The following RASAL2 variants were observed in gnomAD, a reference collection of about 807,000 sequenced individuals.
The protein encoded by RASAL2 is ras GTPase-activating protein nGAP.
Under a neutral mutation model 128.9 loss-of-function variants are expected in RASAL2, and 58 were observed. The ratio of observed to expected loss-of-function variants is 0.45; its 90% CI spans 0.36 to 0.56. The LOEUF (loss-of-function observed/expected upper bound fraction) is 0.56, where lower values mean the gene tolerates loss of function less well. RASAL2 is among the 20% of genes least tolerant of loss of function. The pLI, the probability that RASAL2 is intolerant of heterozygous loss-of-function variation, is 0.00. For missense variants in RASAL2, 1,360 were observed against 1,601.6 expected (o/e 0.85, Z 2.57); for synonymous variants, 561 against 580.8 (o/e 0.97, Z 0.49).
intron 5 of RASAL2, among the ~76,000 whole-genome samples, chr1:178,427,536 G>A (rs1181705576): frequency 1.3e-5 from 2 of 152,066 alleles, no homozygotes; most frequent in Non-Finnish European, 2.9e-5. Context: ...GTGGAATTAT[G>A]GAACAATATT....
At chr1:178,168,531 G>C (rs549752045) in intron 1 of RASAL2, among the ~76,000 whole-genome samples, 11 of 152,100 alleles carry the variant, frequency 7.2e-5, no homozygotes, top group Admixed American at 3.3e-4. Flanking sequence ...CTGCTGTTTT[G>C]AGTATGATAT....
At position 178,458,054 on chromosome 1, in the gene RASAL2, C is replaced by T. The variant is rs750183203; in HGVS notation, c.2762C>T (p.Ser921Leu). Residue 921 changes from serine to leucine, a missense_variant, in exon 14 of 18, where the codon TCG becomes TTG. Physicochemically the swap from Ser to Leu is moderately radical, Grantham distance 145. Coordinates refer to ENST00000367649, the MANE Select transcript of RASAL2 (RefSeq NM_170692.4). ...CAGCCAGGTGGCCTTCAGCCCTTGT[C>T]GTTCCAGAACCCTGTCTATCACCTC... ...LNQPGGLQPL[S>L]FQNPVYHLNN... The T allele has an allele frequency of 8.1e-6, 13 of 1,614,058 alleles. No individual in the cohort carries two copies. The highest frequency in any genetic ancestry group is 6.6e-5 in the South Asian group (6 of 91,084).
chr1:178,255,874 C>T (rs1665320495), intron 1 of RASAL2, among the ~76,000 whole-genome samples: 1 of 152,076 alleles, frequency 6.6e-6, no homozygotes. Flanking sequence ...GAAAGGATTA[C>T]ACAATCCAAT....
intron 1 of RASAL2, among the ~76,000 whole-genome samples, chr1:178,147,498 AAAAGT>A (rs1293098173): frequency 3.3e-5 from 5 of 149,668 alleles, no homozygotes; most frequent in African/African-American, 7.4e-5. Context: ...AAAAAAAAAG[AAAAGT>A]AAAGGAAAGC....
chr1:178,138,202 G>C (rs1036963959), intron 1 of RASAL2, among the ~76,000 whole-genome samples: 1 of 152,162 alleles, frequency 6.6e-6, no homozygotes. Context: ...ACTGCACAGG[G>C]AGAATTGTTT....
intron 1 of RASAL2, among the ~76,000 whole-genome samples, chr1:178,184,756 C>T (rs1256987700): frequency 2.0e-5 from 3 of 152,074 alleles, no homozygotes; most frequent in Non-Finnish European, 4.4e-5. Flanking sequence ...ACAGTGTGAT[C>T]CTTCAACTTT....
chr1:178,237,960 A>G (rs188116167), intron 1 of RASAL2, among the ~76,000 whole-genome samples: 64 of 152,314 alleles, frequency 4.2e-4, no homozygotes, highest in African/African-American at 1.4e-3. Flanking sequence ...ACCTCATATA[A>G]GTGGAATCAT....
chr1:178,460,302 TC>T (rs1015285844), intron 14 of RASAL2, among the ~76,000 whole-genome samples: 5 of 150,250 alleles, frequency 3.3e-5, no homozygotes, highest in African/African-American at 1.2e-4. Context: ...AAATAAAGAT[TC>T]TTTTTTTTTT....
chr1:178,274,994 T>C (rs1666428850), intron 1 of RASAL2, among the ~76,000 whole-genome samples: 1 of 152,220 alleles, frequency 6.6e-6, no homozygotes, highest in Non-Finnish European at 1.5e-5. Flanking sequence ...TTATTTTGAA[T>C]ATTTTATATT....
chr1:178,295,229 C>T (rs1014140893), intron 2 of RASAL2, among the ~76,000 whole-genome samples: 7 of 147,566 alleles, frequency 4.7e-5, no homozygotes, highest in African/African-American at 1.8e-4. Flanking sequence ...TAAGCGTTGG[C>T]ATTTTTTTTC....
At chr1:178,289,915 A>G (rs1236802376) in intron 2 of RASAL2, among the ~76,000 whole-genome samples, 1 of 152,052 alleles carries the variant, frequency 6.6e-6, no homozygotes, top group Non-Finnish European at 1.5e-5. Context: ...CTTCCCTCTT[A>G]TATTTACATG....
chr1:178,165,318 A>G (rs1661483139), intron 1 of RASAL2, among the ~76,000 whole-genome samples: 1 of 152,170 alleles, frequency 6.6e-6, no homozygotes, highest in African/African-American at 2.4e-5. Flanking sequence ...GCAAGGATTC[A>G]GGAAAAAAGT....
intron 1 of RASAL2, among the ~76,000 whole-genome samples, chr1:178,193,931 A>G (rs773334715): frequency 4.6e-5 from 7 of 152,322 alleles, no homozygotes; most frequent in Non-Finnish European, 1.0e-4. Context: ...TGGTTAAGAC[A>G]TATCTTCACC....
intron 4 of RASAL2, among the ~76,000 whole-genome samples, chr1:178,393,645 G>T (rs1040134479): frequency 1.8e-4 from 28 of 152,202 alleles, no homozygotes; most frequent in Non-Finnish European, 3.7e-4. Context: ...ATCTATAGGA[G>T]AGTTTCTTCC....
chr1:178,098,001 A>G (rs1439589923), intron 1 of RASAL2, among the ~76,000 whole-genome samples: 1 of 152,180 alleles, frequency 6.6e-6, no homozygotes, highest in Non-Finnish European at 1.5e-5. Context: ...CATTTTTGAG[A>G]TGTGGCTGAG....
rs1676484800 is a variant in RASAL2, at chr1:178,439,564, T to C, written c.817T>C (p.Phe273Leu). 1 of 1,609,406 alleles carries C rather than the reference T, an allele frequency of 6.2e-7. No homozygotes were observed. The highest frequency in any genetic ancestry group is 1.3e-5 in the African/African-American group (1 of 74,658). The stretch of plus-strand genomic sequence containing the variant: ...TCATAGTAGCATCCTTGGACAAGAC[T>C]TCTGCTTTGAGGTAAAAATAAAGTG... ...PLHSSILGQD[F>L]CFEVTYLSGS... is the part of the protein sequence containing the mutation. Residue 273 changes from phenylalanine to leucine, a missense_variant, in exon 6 of 18, where the codon TTC becomes CTC. By Grantham distance (22) the Phe-to-Leu change is conservative. This residue lies in a region of RASAL2 where 617 missense variants were observed against 714.2 expected (regional missense o/e 0.86). Transcript: ENST00000367649.
At chr1:178,175,849 T>C (rs113898405) in intron 1 of RASAL2, among the ~76,000 whole-genome samples, 3,181 of 152,276 alleles carry the variant, frequency 0.021, 99 homozygotes, top group African/African-American at 0.069. Flanking sequence ...TTCTCCAGTT[T>C]CATCCAAGTT....
At chr1:178,292,035 C>CAAAAAAAAAAA (rs34317624) in intron 2 of RASAL2, among the ~76,000 whole-genome samples, 1 of 59,108 alleles carries the variant, frequency 1.7e-5, no homozygotes, top group African/African-American at 5.3e-5. Flanking sequence ...GACTTTGTCT[C>CAAAAAAAAAAA]AAAAAAAAAA....
At chr1:178,433,951 C>T (rs1176648382) in intron 5 of RASAL2, among the ~76,000 whole-genome samples, 1 of 151,858 alleles carries the variant, frequency 6.6e-6, no homozygotes, top group African/African-American at 2.4e-5. Flanking sequence ...TGAACTTCAC[C>T]AGTTTTTTTC....
Sources: allele counts gnomAD v4.1 joint callset (sites outside exome capture counted in the v4.1 genomes callset), GRCh38; gene constraint gnomAD v4.1.1; regional missense constraint gnomAD v4.1.1; transcripts MANE v1.5; gene names NCBI Gene and HGNC (gene_info 2026-07-23, HGNC 2026-07-21).